CACNA2D1: variants seen among roughly 807,000 people sequenced by gnomAD.
CACNA2D1 encodes calcium voltage-gated channel auxiliary subunit alpha2delta 1.
Under a neutral mutation model 171.5 loss-of-function variants are expected in CACNA2D1, and 53 were observed. That is an observed-to-expected ratio of 0.31 (90% CI 0.25 to 0.39). The LOEUF (loss-of-function observed/expected upper bound fraction) is 0.39, where lower values mean the gene tolerates loss of function less well. Among genes scored for constraint, CACNA2D1 ranks in the 10% least tolerant of loss-of-function variants. The probability of loss-of-function intolerance (pLI) is 1.00; values close to 1 mark genes in which losing one functional copy is unlikely to be tolerated. For synonymous variants in CACNA2D1, 442 were observed against 443.1 expected (o/e 1.00, Z 0.03); for missense variants, 903 against 1,299.8 (o/e 0.69, Z 4.69).
At chr7:82,005,648 T>C in intron 17 of CACNA2D1, 117 bp downstream of exon 17, 1 of 894,998 alleles carries the variant, frequency 1.1e-6, no homozygotes, top group Non-Finnish European at 1.8e-6. Context: ...CTTTTAACCA[T>C]TTAGTTCCTT....
intron 3 of CACNA2D1, among the ~76,000 whole-genome samples, chr7:82,249,220 A>T (rs1805342739): frequency 6.6e-6 from 1 of 152,184 alleles, no homozygotes; most frequent in Admixed American, 6.5e-5. Flanking sequence ...TAACCGGGGT[A>T]AAAGACACTA....
chr7:82,405,372 TA>T, intron 1 of CACNA2D1, among the ~76,000 whole-genome samples: 1 of 152,360 alleles, frequency 6.6e-6, no homozygotes, highest in African/African-American at 2.4e-5. Flanking sequence ...GATATCTAAC[TA>T]AATTAAGGCA....
rs1180068302 is a variant in CACNA2D1 at position 81,948,063 on chromosome 7, C to T, written c.*2329G>A. On this transcript the variant is annotated 3_prime_UTR_variant, in exon 39 of 39. Coordinates refer to ENST00000356860, the MANE Select transcript of CACNA2D1 (RefSeq NM_000722.4). ...GATGAAAACATATACTCGACATTAG[C>T]CATGAAAATATATTTAATAGATTTT... is the stretch of plus-strand genomic sequence containing the variant. 1 of 151,608 alleles carries T rather than the reference C, an allele frequency of 6.6e-6. No homozygotes were observed. Among genetic ancestry groups the T allele is most frequent in the Non-Finnish European group, 1.5e-5 (1 of 67,776 alleles). 9.4% of individuals were successfully genotyped at this position (151,608 alleles called of 1,614,324 possible).
intron 6 of CACNA2D1, among the ~76,000 whole-genome samples, chr7:82,115,693 A>G (rs1210120100): frequency 6.6e-6 from 1 of 151,898 alleles, no homozygotes; most frequent in Non-Finnish European, 1.5e-5. Context: ...AATAAAAAGA[A>G]TCATATATGC....
chr7:81,995,219 T>C (rs926151771), intron 19 of CACNA2D1, among the ~76,000 whole-genome samples: 2 of 152,168 alleles, frequency 1.3e-5, no homozygotes, highest in African/African-American at 4.8e-5. Flanking sequence ...AATGTTCAAT[T>C]ATATTATGGC....
At chr7:82,015,227 T>C (rs557725188) in intron 12 of CACNA2D1, among the ~76,000 whole-genome samples, 8 of 152,334 alleles carry the variant, frequency 5.3e-5, no homozygotes, top group African/African-American at 1.7e-4. Flanking sequence ...AGAAAGGTCA[T>C]TGTACTTCAA....
At chr7:82,080,006 TTTAA>T (rs143480592) in intron 7 of CACNA2D1, among the ~76,000 whole-genome samples, 4,460 of 151,650 alleles carry the variant, frequency 0.029, 220 homozygotes, top group African/African-American at 0.1. Flanking sequence ...TTTTTTTATT[TTTAA>T]TTATTATGGG....
At chr7:82,038,853 G>C (rs894676130) in intron 10 of CACNA2D1, among the ~76,000 whole-genome samples, 1 of 152,142 alleles carries the variant, frequency 6.6e-6, no homozygotes, top group Non-Finnish European at 1.5e-5. Context: ...CTGAACAGCA[G>C]AGAGGCTGTG....
chr7:82,241,005 T>C (rs1393605894), intron 3 of CACNA2D1, among the ~76,000 whole-genome samples: 1 of 151,460 alleles, frequency 6.6e-6, no homozygotes, highest in Admixed American at 6.6e-5. Flanking sequence ...ACTTTAAAGG[T>C]GTCATAAAGT....
chr7:82,059,710 G>C (rs144354144), intron 10 of CACNA2D1, among the ~76,000 whole-genome samples: 27 of 151,708 alleles, frequency 1.8e-4, no homozygotes, highest in Admixed American at 1.5e-3. Context: ...AGATCCACGC[G>C]GCACTATTCA....
chr7:82,227,117 T>C (rs1052223965), intron 3 of CACNA2D1, among the ~76,000 whole-genome samples: 7 of 152,284 alleles, frequency 4.6e-5, no homozygotes, highest in African/African-American at 1.7e-4. Context: ...CTAGAATATA[T>C]AAAGTTGAAA....
At chr7:82,130,890 G>A (rs1404651681) in intron 5 of CACNA2D1, among the ~76,000 whole-genome samples, 4 of 145,980 alleles carry the variant, frequency 2.7e-5, no homozygotes, top group Admixed American at 7.1e-5. Flanking sequence ...TCCACCTCCC[G>A]GGTTCACGCT....
chr7:82,159,760 C>A (rs895562741), intron 4 of CACNA2D1, among the ~76,000 whole-genome samples: 2 of 138,294 alleles, frequency 1.4e-5, no homozygotes, highest in Non-Finnish European at 3.1e-5. Context: ...ATGTACACAG[C>A]CAAAGCACAG....
At chr7:82,242,493 A>T (rs1203767454) in intron 3 of CACNA2D1, among the ~76,000 whole-genome samples, 1 of 152,166 alleles carries the variant, frequency 6.6e-6, no homozygotes, top group African/African-American at 2.4e-5. Context: ...ATTTCATTTG[A>T]GAATCTTAAG....
chr7:82,436,392 T>G (rs1830121159), intron 1 of CACNA2D1, among the ~76,000 whole-genome samples: 1 of 152,180 alleles, frequency 6.6e-6, no homozygotes, highest in African/African-American at 2.4e-5. Flanking sequence ...AGCTCTTAAT[T>G]AAATGTTATA....
At chr7:82,232,878 A>C (rs1803119772) in intron 3 of CACNA2D1, among the ~76,000 whole-genome samples, 1 of 150,142 alleles carries the variant, frequency 6.7e-6, no homozygotes, top group South Asian at 2.1e-4. Context: ...AAAAAAAAAA[A>C]AAAAAAAAAA....
intron 3 of CACNA2D1, among the ~76,000 whole-genome samples, chr7:82,243,403 T>C (rs981858087): frequency 6.6e-6 from 1 of 152,190 alleles, no homozygotes; most frequent in South Asian, 2.1e-4. Flanking sequence ...TTTTTAAAGA[T>C]GGTTGACATA....
intron 12 of CACNA2D1, chr7:82,021,156 T>C (rs577169806): frequency 1.3e-5 from 2 of 152,280 alleles, no homozygotes; most frequent in South Asian, 4.1e-4. Context: ...ACGGGCCCAC[T>C]GAATTTCCAA....
chr7:82,114,930 C>A (rs1236917250), intron 6 of CACNA2D1, among the ~76,000 whole-genome samples: 1 of 152,072 alleles, frequency 6.6e-6, no homozygotes, highest in Non-Finnish European at 1.5e-5. Context: ...TAGAGCAAAG[C>A]TATTAGAAAA....
Sources: gnomAD v4.1 joint callset for allele counts (sites outside exome capture counted in the v4.1 genomes callset) on GRCh38, gnomAD v4.1.1 for gene constraint, MANE v1.5 for transcripts, NCBI Gene and HGNC (gene_info 2026-07-23, HGNC 2026-07-21) for gene names.